SKAP2: variants seen among roughly 807,000 people sequenced by gnomAD.
SKAP2 encodes src kinase-associated phosphoprotein 2.
SKAP2 carries 28 observed loss-of-function variants against 54.9 expected under a neutral mutation model. The observed-to-expected ratio is 0.51, with a 90% CI of 0.38 to 0.70. The LOEUF (loss-of-function observed/expected upper bound fraction) is 0.70. SKAP2 is among the 30% of genes least tolerant of loss of function. The probability of loss-of-function intolerance (pLI) is 0.00; values close to 1 mark genes in which losing one functional copy is unlikely to be tolerated. For missense variants in SKAP2, 356 were observed against 424.1 expected, an observed-to-expected ratio of 0.84 and a Z score of 1.41; for synonymous variants, 137 against 134.3, an observed-to-expected ratio of 1.02 and a Z score of -0.14.
At chr7:26,751,597 T>C (rs1290893027) in intron 4 of SKAP2, among the ~76,000 whole-genome samples, 1 of 152,158 alleles carries the variant, frequency 6.6e-6, no homozygotes, top group East Asian at 1.9e-4. Flanking sequence ...TGGTTTAAAG[T>C]ATTATAAGCA....
chr7:26,772,145 A>G (rs1301435016), intron 4 of SKAP2, among the ~76,000 whole-genome samples: 2 of 152,264 alleles, frequency 1.3e-5, no homozygotes, highest in African/African-American at 4.8e-5. Flanking sequence ...GAAGGAAATA[A>G]AACTTTCATT....
chr7:26,841,324 TATCA>T (rs1038055048), intron 4 of SKAP2, among the ~76,000 whole-genome samples: 1 of 151,806 alleles, frequency 6.6e-6, no homozygotes, highest in African/African-American at 2.4e-5. Context: ...ATGATTTTGC[TATCA>T]ATCAGGCAGT....
the SKAP2 span, among the ~76,000 whole-genome samples, chr7:26,660,856 G>A: frequency 0.52 from 79,406 of 151,730 alleles, 21,347 homozygotes; most frequent in African/African-American, 0.65. Flanking sequence ...ACAAAGCACC[G>A]TTTTAAAGAG....
chr7:26,860,070 T>A (rs1785247153), intron 1 of SKAP2, among the ~76,000 whole-genome samples: 1 of 152,200 alleles, frequency 6.6e-6, no homozygotes, highest in African/African-American at 2.4e-5. Flanking sequence ...ACAGGAGCAA[T>A]AAGCCCATTT....
downstream of SKAP2, among the ~76,000 whole-genome samples, chr7:26,663,116 T>C (rs952993391): frequency 2.6e-5 from 4 of 152,104 alleles, no homozygotes; most frequent in Non-Finnish European, 5.9e-5. Flanking sequence ...TTCAGAAGCA[T>C]GATGTTCTGA....
intron 5 of SKAP2, among the ~76,000 whole-genome samples, chr7:26,739,671 T>C (rs557925915): frequency 2.6e-5 from 4 of 152,284 alleles, no homozygotes; most frequent in African/African-American, 9.6e-5. Context: ...ATAACCAAGG[T>C]TGACAACTAA....
At chr7:26,659,662 A>C in the SKAP2 span, among the ~76,000 whole-genome samples, 4 of 152,212 alleles carry the variant, frequency 2.6e-5, no homozygotes, top group African/African-American at 9.6e-5. Flanking sequence ...GAAGACATAC[A>C]GTATTAGGAT....
chr7:26,724,780 C>T (rs1787662342), intron 9 of SKAP2, among the ~76,000 whole-genome samples: 1 of 152,084 alleles, frequency 6.6e-6, no homozygotes, highest in Admixed American at 6.6e-5. Flanking sequence ...ATCCTCATGG[C>T]CGCAAGTCAA....
Position 26,864,371 on chromosome 7 carries a change from A to C in SKAP2, c.59T>G (p.Leu20Arg). The change falls in exon 1 of 13, where the codon CTG becomes CGG. Residue 20 changes from leucine to arginine, a missense_variant. Leu to Arg is a moderately radical substitution (Grantham distance 102, BLOSUM62 -2). Transcript: ENST00000345317. ...PYPLPEEIRN[L>R]LADVETFVAD... ...GCCTTCCCGCTCTTTACCTGCCAAC[A>C]GGTTCCTAATTTCCTCAGGGAGGGG... The C allele has an allele frequency of 6.2e-7, 1 of 1,613,450 alleles. No homozygotes were observed. The highest frequency in any genetic ancestry group is 8.5e-7 in the Non-Finnish European group (1 of 1,179,684).
downstream of SKAP2, among the ~76,000 whole-genome samples, chr7:26,666,124 A>G (rs1000353250): frequency 6.6e-6 from 1 of 152,076 alleles, no homozygotes; most frequent in African/African-American, 2.4e-5. Flanking sequence ...TTCAATAGTC[A>G]TGAACCTACT....
chr7:26,772,848 C>A (rs899066524), intron 4 of SKAP2, among the ~76,000 whole-genome samples: 2 of 152,292 alleles, frequency 1.3e-5, no homozygotes, highest in East Asian at 1.9e-4. Context: ...CATGTTCATT[C>A]TGCTGTTCAT....
intron 11 of SKAP2, among the ~76,000 whole-genome samples, chr7:26,670,490 T>C (rs1243553698): frequency 6.6e-6 from 1 of 152,036 alleles, no homozygotes; most frequent in African/African-American, 2.4e-5. Context: ...GGACACTCTC[T>C]CTCTCCACAG....
At chr7:26,763,378 A>T (rs558518165) in intron 4 of SKAP2, among the ~76,000 whole-genome samples, 44 of 152,288 alleles carry the variant, frequency 2.9e-4, no homozygotes, top group African/African-American at 1.0e-3. Flanking sequence ...AGGCAAAAAA[A>T]ATTTATGAAA....
At chr7:26,844,290 T>A (rs1784880227) in intron 3 of SKAP2, among the ~76,000 whole-genome samples, 153 bp from the exon 4 acceptor site, 3 of 152,120 alleles carry the variant, frequency 2.0e-5, no homozygotes, top group Admixed American at 2.0e-4. Context: ...CTTTTAAAAC[T>A]AGGTAAAAAC....
intron 4 of SKAP2, among the ~76,000 whole-genome samples, chr7:26,775,530 CGTGTGTGTGTGTGTGTGTGTGTGT>C (rs59902431): frequency 6.8e-6 from 1 of 146,208 alleles, no homozygotes; most frequent in South Asian, 2.2e-4. Context: ...TTTACTTGTA[CGTGTGTGTGTGTGTGTGTGTGTGT>C]GTGTGTGTGT....
chr7:26,777,477 C>T (rs1783336196), intron 4 of SKAP2, among the ~76,000 whole-genome samples: 1 of 152,002 alleles, frequency 6.6e-6, no homozygotes, highest in Non-Finnish European at 1.5e-5. Flanking sequence ...TGTGTAGGAT[C>T]CTCAATTATT....
chr7:26,710,083 G>A (rs1190307557), intron 9 of SKAP2, among the ~76,000 whole-genome samples: 4 of 152,124 alleles, frequency 2.6e-5, no homozygotes, highest in Admixed American at 6.6e-5. Flanking sequence ...ATCATAAAGA[G>A]AAAGTTTCTC....
Position 26,799,282 on chromosome 7 carries a change from G to GA in SKAP2, c.307+44747dup, listed in dbSNP as rs144648230. ...AAAGACACAGACGGGCTGAATGGAA[G>GA]AAAAAAAAAACCCCATTGATCTGTT... On this transcript the variant is annotated intron_variant, in intron 4 of 12. Coordinates refer to ENST00000345317, the MANE Select transcript of SKAP2 (RefSeq NM_003930.5). Among the ~76,000 whole-genome samples, 21 of 148,182 alleles carry GA rather than the reference G, an allele frequency of 1.4e-4. No individual in the cohort carries two copies. The South Asian group carries it at 1.5e-3, about 10-fold the overall frequency.
chr7:26,744,268 G>T (rs1477615624), intron 4 of SKAP2, among the ~76,000 whole-genome samples: 3 of 151,972 alleles, frequency 2.0e-5, no homozygotes, highest in Non-Finnish European at 2.9e-5. Context: ...ATTTCAAAAT[G>T]AAAAATAGTA....
Sources: gnomAD v4.1 joint callset for allele counts (sites outside exome capture counted in the v4.1 genomes callset) on GRCh38, gnomAD v4.1.1 for gene constraint, MANE v1.5 for transcripts, NCBI Gene and HGNC (gene_info 2026-07-23, HGNC 2026-07-21) for gene names.